Variants in NCALD observed in about 807,000 individuals in gnomAD.
The protein encoded by NCALD is neurocalcin-delta.
In NCALD, 10 loss-of-function variants were observed where a neutral mutation model predicts 18.6. The observed-to-expected ratio is 0.54, with a 90% CI of 0.33 to 0.91. The LOEUF (loss-of-function observed/expected upper bound fraction) is 0.91, where lower values mean the gene tolerates loss of function less well. Ranked by LOEUF, NCALD falls within the 40% of genes least tolerant of loss-of-function variation. The probability of loss-of-function intolerance (pLI) is 0.03; values close to 1 mark genes in which losing one functional copy is unlikely to be tolerated. For missense variants in NCALD, 184 were observed against 247.6 expected (o/e 0.74, Z 1.72); for synonymous variants, 88 against 87.4 (o/e 1.01, Z -0.04).
At chr8:101,724,253 C>T (rs1563697873) in intron 1 of NCALD, among the ~76,000 whole-genome samples, 3 of 152,162 alleles carry the variant, frequency 2.0e-5, no homozygotes. Context: ...AAAATGAGAC[C>T]TACTTGGCAG....
chr8:102,030,800 C>T (rs1488700336), intron 1 of NCALD, among the ~76,000 whole-genome samples: 1 of 152,058 alleles, frequency 6.6e-6, no homozygotes, highest in Non-Finnish European at 1.5e-5. Context: ...CACTTGAACC[C>T]ACGAGGTGGA....
chr8:101,867,834 A>T (rs1563840646), intron 4 of NCALD, among the ~76,000 whole-genome samples: 1 of 152,200 alleles, frequency 6.6e-6, no homozygotes, highest in African/African-American at 2.4e-5. Context: ...TGAATTTGAC[A>T]TTGAAGTTCA....
intron 1 of NCALD, among the ~76,000 whole-genome samples, chr8:102,029,600 C>G (rs1319134568): frequency 6.6e-6 from 1 of 152,182 alleles, no homozygotes; most frequent in Non-Finnish European, 1.5e-5. Context: ...GTCAACGTTT[C>G]ATCATAAAAA....
chr8:101,766,466 A>G (rs1811351376), intron 1 of NCALD, among the ~76,000 whole-genome samples: 1 of 152,236 alleles, frequency 6.6e-6, no homozygotes, highest in Admixed American at 6.5e-5. Flanking sequence ...TGATACATAC[A>G]TATCAGAGAT....
intron 2 of NCALD, among the ~76,000 whole-genome samples, chr8:101,931,221 G>T (rs777405221): frequency 2.6e-4 from 40 of 152,176 alleles, no homozygotes; most frequent in Non-Finnish European, 4.3e-4. Context: ...AAAGCCATTT[G>T]CTGCCAAATG....
At chr8:101,878,016 A>G (rs1293360011) in intron 4 of NCALD, among the ~76,000 whole-genome samples, 2 of 152,224 alleles carry the variant, frequency 1.3e-5, no homozygotes, top group Admixed American at 1.3e-4. Context: ...CCATAACATC[A>G]AACTGTTACT....
In NCALD at chr8:101,719,360, A is replaced by C; in HGVS notation, c.270T>G (p.Ser90Arg). Residue 90 changes from serine to arginine, a missense_variant, in exon 2 of 4, where the codon AGT becomes AGG. Coordinates refer to ENST00000220931, the MANE Select transcript of NCALD (RefSeq NM_032041.3). The stretch of plus-strand genomic sequence containing the variant: ...GCTCCAGCTTCCCCCTCGAAGTTAC[A>C]CTCAAGGCGATGATGAATTCTCTAA... ...IDFREFIIAL[S>R]VTSRGKLEQK... 1.2e-6 allele frequency: 2 copies of C among 1,614,068 alleles called. No homozygotes were observed. The highest frequency in any genetic ancestry group is 1.7e-6 in the Non-Finnish European group (2 of 1,179,998).
chr8:101,862,841 T>C (rs1293283945), intron 4 of NCALD, among the ~76,000 whole-genome samples: 2 of 152,222 alleles, frequency 1.3e-5, no homozygotes, highest in African/African-American at 2.4e-5. Flanking sequence ...GCTCACTCCC[T>C]TTTAAAAAGG....
intron 1 of NCALD, among the ~76,000 whole-genome samples, chr8:102,049,547 G>T (rs1451282722): frequency 6.6e-6 from 1 of 152,058 alleles, no homozygotes; most frequent in African/African-American, 2.4e-5. Context: ...ATTCATTTGG[G>T]CAAATACCAA....
chr8:102,080,341 G>A (rs983467392), intron 1 of NCALD, among the ~76,000 whole-genome samples: 1 of 152,166 alleles, frequency 6.6e-6, no homozygotes, highest in African/African-American at 2.4e-5. Context: ...TTCATTTCAA[G>A]ACTGGCCTGC....
At chr8:101,716,934 T>G (rs1030634117) in intron 2 of NCALD, among the ~76,000 whole-genome samples, 17 of 152,104 alleles carry the variant, frequency 1.1e-4, no homozygotes, top group African/African-American at 3.9e-4. Flanking sequence ...TCGGGAAGCT[T>G]CTAGAATCGG....
At chr8:101,873,981 T>G (rs1164816711) in intron 4 of NCALD, among the ~76,000 whole-genome samples, 2 of 152,244 alleles carry the variant, frequency 1.3e-5, no homozygotes, top group Non-Finnish European at 2.9e-5. Context: ...GTCACATGAT[T>G]TGGCCCAGTT....
intron 4 of NCALD, among the ~76,000 whole-genome samples, chr8:101,798,466 G>T (rs929643056): frequency 1.3e-5 from 2 of 152,168 alleles, no homozygotes; most frequent in Non-Finnish European, 2.9e-5. Flanking sequence ...TACAGGACTT[G>T]TATTCTGAAA....
chr8:101,723,685 C>T lies in NCALD; in HGVS notation c.-19-4037G>A, dbSNP rs556028867. On this transcript the variant is annotated intron_variant, in intron 1 of 3. Coordinates refer to ENST00000220931, the MANE Select transcript of NCALD (RefSeq NM_032041.3). ...TTTCTACATAGCACAATAAGGTTTT[C>T]GCAAACAGTAACTCAAAGTTTTGTC... 9.2e-5 allele frequency among the ~76,000 whole-genome samples: 14 copies of T among 152,196 alleles called. No homozygotes were observed. In the South Asian group the frequency reaches 2.1e-3, roughly 23 times the overall value.
At chr8:101,699,643 C>T (rs1426145315) in intron 2 of NCALD, among the ~76,000 whole-genome samples, 1 of 152,172 alleles carries the variant, frequency 6.6e-6, no homozygotes, top group Non-Finnish European at 1.5e-5. Context: ...CCATCATCCT[C>T]AGCAAACTAA....
rs1357874944 is a variant in NCALD, at chr8:101,716,729, G to A, written c.378+2523C>T. ...GCACAGGAAGACAAACTTTGCAGACGTGATTACATTAAGAATATTGAGATG... is the reference window on the plus strand; with the variant it reads ...GCACAGGAAGACAAACTTTGCAGACATGATTACATTAAGAATATTGAGATG... On this transcript the variant is annotated intron_variant, in intron 2 of 3. Coordinates refer to ENST00000220931, the MANE Select transcript of NCALD (RefSeq NM_032041.3). Among the ~76,000 whole-genome samples the A allele has an allele frequency of 2.0e-5, 3 of 152,204 alleles. 1 individual carries two copies. The highest frequency in any genetic ancestry group is 2.9e-5 in the Non-Finnish European group (2 of 68,046).
chr8:101,971,228 C>G (rs370890769), intron 2 of NCALD, among the ~76,000 whole-genome samples: 1 of 152,050 alleles, frequency 6.6e-6, no homozygotes, highest in Non-Finnish European at 1.5e-5. Flanking sequence ...ATATGAAGCA[C>G]GAGATGTCAG....
chr8:101,995,930 A>G (rs977267978), intron 2 of NCALD, among the ~76,000 whole-genome samples: 43 of 152,254 alleles, frequency 2.8e-4, no homozygotes, highest in African/African-American at 1.0e-3. Flanking sequence ...TGCAAACTCT[A>G]TAGATATTCT....
chr8:101,926,825 C>T (rs1211099132), intron 2 of NCALD, among the ~76,000 whole-genome samples: 6 of 152,260 alleles, frequency 3.9e-5, no homozygotes, highest in Non-Finnish European at 8.8e-5. Context: ...GAATAAGTGG[C>T]GTTAAGGGAA....
Sources: gnomAD v4.1 joint callset for allele counts (sites outside exome capture counted in the v4.1 genomes callset) on GRCh38, gnomAD v4.1.1 for gene constraint, MANE v1.5 for transcripts, NCBI Gene and HGNC (gene_info 2026-07-23, HGNC 2026-07-21) for gene names.